ASAP2: variants seen among roughly 807,000 people sequenced by gnomAD.
ASAP2 encodes the protein ArfGAP with SH3 domain, ankyrin repeat and PH domain 2.
In ASAP2, 45 loss-of-function variants were observed where a neutral mutation model predicts 131.4. The observed-to-expected ratio is 0.34, with a 90% CI of 0.27 to 0.44. ASAP2 has a LOEUF of 0.44. Ranked by LOEUF, ASAP2 falls within the 20% of genes least tolerant of loss-of-function variation. The probability of loss-of-function intolerance (pLI) is 1.00; values close to 1 mark genes in which losing one functional copy is unlikely to be tolerated. For missense variants in ASAP2, 1,011 were observed against 1,297.0 expected (o/e 0.78, Z 3.39); for synonymous variants, 510 against 503.0 (o/e 1.01, Z -0.19).
chr2:9,236,463 G>A (rs1663557024), intron 1 of ASAP2, among the ~76,000 whole-genome samples: 1 of 152,006 alleles, frequency 6.6e-6, no homozygotes, highest in Non-Finnish European at 1.5e-5. Context: ...TTTTTAGGGT[G>A]TATATTTTGA....
At chr2:9,343,301 C>T (rs1394551215) in intron 9 of ASAP2, among the ~76,000 whole-genome samples, 3 of 152,198 alleles carry the variant, frequency 2.0e-5, no homozygotes, top group Non-Finnish European at 4.4e-5. Context: ...GAGCAGCCCT[C>T]GGCCCTTTCC....
At chr2:9,266,051 T>G (rs1015319922) in intron 1 of ASAP2, among the ~76,000 whole-genome samples, 2 of 151,908 alleles carry the variant, frequency 1.3e-5, no homozygotes, top group African/African-American at 2.4e-5. Flanking sequence ...TCCCAAAGTG[T>G]TGGGATTACA....
Position 9,303,309 on chromosome 2 carries a change from C to T in ASAP2, c.345+5864C>T, listed in dbSNP as rs530662643. Among the ~76,000 whole-genome samples the T allele has an allele frequency of 6.6e-5, 10 of 152,214 alleles. No individual in the cohort carries two copies. In the South Asian group the frequency reaches 1.9e-3, roughly 28 times the overall value. Reference sequence around the variant, plus strand: ...TAGTCCTGGACTATTATTAGGTGTCCGTTTCTGACATTTGCTTTTTAATAT... The same window carrying T: ...TAGTCCTGGACTATTATTAGGTGTCTGTTTCTGACATTTGCTTTTTAATAT... On this transcript the variant is annotated intron_variant, in intron 3 of 27. Transcript: ENST00000281419.
chr2:9,282,751 A>G (rs1667209226), intron 2 of ASAP2, among the ~76,000 whole-genome samples: 2 of 152,246 alleles, frequency 1.3e-5, no homozygotes, highest in Non-Finnish European at 2.9e-5. Context: ...TCATACTGCC[A>G]TATTCCTTGT....
chr2:9,337,254 T>TA (rs1360807428), intron 9 of ASAP2, among the ~76,000 whole-genome samples: 1 of 152,244 alleles, frequency 6.6e-6, no homozygotes, highest in Non-Finnish European at 1.5e-5. Flanking sequence ...TTGTGTTTTC[T>TA]GTGTATCATG....
intron 1 of ASAP2, among the ~76,000 whole-genome samples, chr2:9,235,915 G>C (rs994634485): frequency 3.3e-5 from 5 of 152,138 alleles, no homozygotes; most frequent in African/African-American, 9.7e-5. Flanking sequence ...AGCCTCCCAG[G>C]GGACTTCTGG....
At chr2:9,286,511 A>G (rs1245472914) in intron 2 of ASAP2, among the ~76,000 whole-genome samples, 2 of 152,162 alleles carry the variant, frequency 1.3e-5, no homozygotes, top group African/African-American at 4.8e-5. Context: ...AAATCAGAAT[A>G]ATCTTTACTG....
At chr2:9,256,120 T>G (rs902572594) in intron 1 of ASAP2, among the ~76,000 whole-genome samples, 1 of 148,342 alleles carries the variant, frequency 6.7e-6, no homozygotes, top group African/African-American at 2.5e-5. Flanking sequence ...CGTTCAGACA[T>G]TCATAGAAAT....
intron 1 of ASAP2, among the ~76,000 whole-genome samples, chr2:9,276,889 C>T (rs896494510): frequency 6.6e-6 from 1 of 152,160 alleles, no homozygotes; most frequent in Non-Finnish European, 1.5e-5. Context: ...CTTGCTGGCC[C>T]ATGGAAGGTG....
chr2:9,393,567 G>T lies in ASAP2; in HGVS notation c.2604G>T (p.Pro868=). The T allele has an allele frequency of 1.3e-6, 2 of 1,593,108 alleles. No individual in the cohort carries two copies. The highest frequency in any genetic ancestry group is 1.7e-6 in the Non-Finnish European group (2 of 1,171,004). The change falls in exon 24 of 28, where the codon CCG becomes CCT. Residue 868 remains proline, a synonymous_variant. Coordinates refer to ENST00000281419, the MANE Select transcript of ASAP2 (RefSeq NM_003887.3). ...TGAGCCAGCCGAGCAAGCCTGCCCC[G>T]CCTGGGATCTCACAGATCAGGCCCC... ...EALSQPSKPA[P]PGISQIRPPP...
chr2:9,397,108 A>G lies in ASAP2; in HGVS notation c.2685-2915A>G, dbSNP rs142630928. 2.6e-4 allele frequency among the ~76,000 whole-genome samples: 39 copies of G among 152,358 alleles called. No individual in the cohort carries two copies. The East Asian group carries it at 5.6e-3, about 22-fold the overall frequency. ...TCCAGTGCTAATTATTTCTGCCTCT[A>G]TACCAAAGTGGCCACAGGCCATGCT... On this transcript the variant is annotated intron_variant, in intron 24 of 27. Coordinates refer to ENST00000281419, the MANE Select transcript of ASAP2 (RefSeq NM_003887.3).
At chr2:9,227,316 A>G (rs1480324924) in intron 1 of ASAP2, among the ~76,000 whole-genome samples, 1 of 152,140 alleles carries the variant, frequency 6.6e-6, no homozygotes, top group Non-Finnish European at 1.5e-5. Context: ...GCAGTGCCTG[A>G]CGCATGAGTG....
intron 3 of ASAP2, among the ~76,000 whole-genome samples, chr2:9,303,649 G>A (rs1456043213): frequency 6.6e-6 from 1 of 152,154 alleles, no homozygotes; most frequent in Non-Finnish European, 1.5e-5. Context: ...AGACTTCAAC[G>A]CTAAGCTATG....
intron 11 of ASAP2, 193 bp from the exon 12 acceptor site, chr2:9,350,615 C>A: frequency 2.0e-6 from 1 of 496,516 alleles, no homozygotes; most frequent in Non-Finnish European, 3.6e-6. Flanking sequence ...AGGCAGTTGC[C>A]CTCTGTGGAG....
Position 9,332,757 on chromosome 2 carries a change from CCTAT to C in ASAP2, c.687-1976_687-1973del, listed in dbSNP as rs536662146. Among the ~76,000 whole-genome samples, 572 of 152,262 alleles carry C rather than the reference CCTAT, an allele frequency of 3.8e-3. 4 individuals are homozygous for C. Among genetic ancestry groups the C allele is most frequent in the African/African-American group, 0.012 (518 of 41,532 alleles). The stretch of plus-strand genomic sequence containing the variant: ...CTTAGATCTTAGAGATCTCTGTCCT[CCTAT>C]CTATTTCACAAGAATTTGAAATGAT... On this transcript the variant is annotated intron_variant, in intron 7 of 27. Coordinates refer to ENST00000281419, the MANE Select transcript of ASAP2 (RefSeq NM_003887.3).
intron 1 of ASAP2, among the ~76,000 whole-genome samples, chr2:9,250,515 A>G (rs1303549977): frequency 1.3e-5 from 2 of 152,154 alleles, no homozygotes; most frequent in Non-Finnish European, 2.9e-5. Flanking sequence ...GGGAGGTGTA[A>G]AAGTGTTTTC....
rs746588714 is a variant in ASAP2 at position 9,393,601 on chromosome 2, C to A, written c.2638C>A (p.Pro880Thr). ...CTCACAGATCAGGCCCCCACCTCTGCCCCCACAGCCGCCCAGCCGCCTCCC... is the reference window on the plus strand; with the variant it reads ...CTCACAGATCAGGCCCCCACCTCTGACCCCACAGCCGCCCAGCCGCCTCCC... ...GISQIRPPPL[P>T]PQPPSRLPQK... is the part of the protein sequence containing the mutation. The change falls in exon 24 of 28, where the codon CCC (proline) becomes ACC (threonine). Residue 880 changes from proline to threonine, a missense_variant. Pro to Thr is a conservative substitution (Grantham distance 38, BLOSUM62 -1). Transcript: ENST00000281419. 2 of 1,591,658 alleles carry A rather than the reference C, an allele frequency of 1.3e-6. No individual in the cohort carries two copies. The highest frequency in any genetic ancestry group is 1.7e-6 in the Non-Finnish European group (2 of 1,171,076).
At chr2:9,383,500 C>A (rs1335503276) in intron 20 of ASAP2, among the ~76,000 whole-genome samples, 1 of 152,102 alleles carries the variant, frequency 6.6e-6, no homozygotes, top group Non-Finnish European at 1.5e-5. Flanking sequence ...CTCAAGCAGT[C>A]CTCCTGCCTC....
Position 9,264,195 on chromosome 2 carries a change from A to AAATAATAAT in ASAP2, c.127-15101_127-15093dup, listed in dbSNP as rs70948813. Among the ~76,000 whole-genome samples the AAATAATAAT allele has an allele frequency of 1.3e-4, 18 of 141,930 alleles. 1 individual carries two copies. Among genetic ancestry groups the AAATAATAAT allele is most frequent in the African/African-American group, 4.7e-4 (18 of 38,020 alleles). 93.1% of individuals were successfully genotyped at this position (141,930 alleles called of 152,430 possible). A position where few individuals can be genotyped will look rare whatever the true frequency, so the allele number is the denominator to read the frequency against. The stretch of plus-strand genomic sequence containing the variant: ...CAGTGAGTGAGACCCTGTCTCAAAA[A>AAATAATAAT]AATAATAATAATAATAATAATAATA... On this transcript the variant is annotated intron_variant, in intron 1 of 27. Coordinates refer to ENST00000281419, the MANE Select transcript of ASAP2 (RefSeq NM_003887.3).
Sources: allele counts gnomAD v4.1 joint callset (sites outside exome capture counted in the v4.1 genomes callset), GRCh38; gene constraint gnomAD v4.1.1; transcripts MANE v1.5; gene names NCBI Gene and HGNC (gene_info 2026-07-23, HGNC 2026-07-21).